SLC35D4: variants seen among roughly 807,000 people sequenced by gnomAD.
The protein encoded by SLC35D4 is solute carrier family 35 member D4.
At chr18:23,278,169 A>C in the SLC35D4 span, among the ~76,000 whole-genome samples, 1 of 152,172 alleles carries the variant, frequency 6.6e-6, no homozygotes, top group East Asian at 1.9e-4. Context: ...TCCACTGATC[A>C]AAACCACTGG....
chr18:23,303,538 T>A, the SLC35D4 span, among the ~76,000 whole-genome samples: 72 of 152,360 alleles, frequency 4.7e-4, no homozygotes, highest in African/African-American at 1.6e-3. Context: ...TGGGTTTCTT[T>A]GGCTCATTTT....
the SLC35D4 span, among the ~76,000 whole-genome samples, chr18:23,363,226 C>G: frequency 2.2e-5 from 3 of 137,168 alleles, no homozygotes; most frequent in South Asian, 2.5e-4. Flanking sequence ...CCTGGCCAGC[C>G]TGGGCAACAG....
At chr18:23,288,426 C>G in the SLC35D4 span, among the ~76,000 whole-genome samples, 1 of 152,168 alleles carries the variant, frequency 6.6e-6, no homozygotes, top group Admixed American at 6.5e-5. Context: ...ATTCAGGCCC[C>G]GTCCCTTCCC....
the SLC35D4 span, among the ~76,000 whole-genome samples, chr18:23,332,254 T>C: frequency 6.6e-6 from 1 of 152,226 alleles, no homozygotes; most frequent in South Asian, 2.1e-4. Context: ...GCACACACCA[T>C]AAAATTCACC....
the SLC35D4 span, among the ~76,000 whole-genome samples, chr18:23,419,785 G>C: frequency 6.6e-6 from 1 of 151,936 alleles, no homozygotes; most frequent in Non-Finnish European, 1.5e-5. Flanking sequence ...TCCAGATTTT[G>C]ATAATTTTAC....
the SLC35D4 span, among the ~76,000 whole-genome samples, chr18:23,245,437 G>A: frequency 6.6e-6 from 1 of 151,808 alleles, no homozygotes; most frequent in Non-Finnish European, 1.5e-5. Context: ...CTTGAACCCG[G>A]GAGGCGGAAG....
At chr18:23,275,039 TGTGTGTGA>T in the SLC35D4 span, among the ~76,000 whole-genome samples, 2 of 26,008 alleles carry the variant, frequency 7.7e-5, no homozygotes, top group Non-Finnish European at 1.3e-4. Flanking sequence ...GCTTGTATTT[TGTGTGTGA>T]GTGTGTTTGT....
At chr18:23,368,905 A>T in the SLC35D4 span, among the ~76,000 whole-genome samples, 1 of 152,206 alleles carries the variant, frequency 6.6e-6, no homozygotes, top group Non-Finnish European at 1.5e-5. Flanking sequence ...ATTCAAAACC[A>T]GTTACTAGTT....
chr18:23,398,535 G>A, the SLC35D4 span, among the ~76,000 whole-genome samples: 9 of 152,154 alleles, frequency 5.9e-5, no homozygotes, highest in African/African-American at 1.9e-4. Context: ...GCAGCAACAT[G>A]CACCGTGGGT....
the SLC35D4 span, among the ~76,000 whole-genome samples, chr18:23,363,468 G>A: frequency 4.5e-5 from 6 of 134,792 alleles, no homozygotes; most frequent in South Asian, 5.0e-4. Context: ...TCCGCCTCCC[G>A]GGTTCACGCC....
the SLC35D4 span, chr18:23,297,914 T>G: frequency 6.9e-7 from 1 of 1,459,820 alleles, no homozygotes; most frequent in Middle Eastern, 1.7e-4. Flanking sequence ...TTCTGACACA[T>G]CCAACAGGGA....
At chr18:23,342,167 C>T in the SLC35D4 span, among the ~76,000 whole-genome samples, 1 of 152,182 alleles carries the variant, frequency 6.6e-6, no homozygotes, top group Non-Finnish European at 1.5e-5. Flanking sequence ...ATGCAACCAT[C>T]ACCACAATCC....
At chr18:23,364,305 GGTTT>G in the SLC35D4 span, among the ~76,000 whole-genome samples, 91 of 152,088 alleles carry the variant, frequency 6.0e-4, no homozygotes, top group African/African-American at 2.0e-3. Context: ...TTCATTTTGT[GGTTT>G]GTTTGTTTTT....
the SLC35D4 span, among the ~76,000 whole-genome samples, chr18:23,372,933 A>T: frequency 2.0e-5 from 3 of 151,660 alleles, no homozygotes. Context: ...AAGGAAACCC[A>T]GAAATGAGAT....
the SLC35D4 span, among the ~76,000 whole-genome samples, chr18:23,317,309 C>T: frequency 3.3e-5 from 5 of 152,180 alleles, no homozygotes; most frequent in Non-Finnish European, 7.4e-5. Flanking sequence ...CTGATTATTG[C>T]TATGTTCCTA....
At chr18:23,366,221 G>T in the SLC35D4 span, among the ~76,000 whole-genome samples, 1 of 152,168 alleles carries the variant, frequency 6.6e-6, no homozygotes, top group Non-Finnish European at 1.5e-5. Context: ...ATGAAAAGGA[G>T]TGTTCCTCTG....
the SLC35D4 span, among the ~76,000 whole-genome samples, chr18:23,338,318 A>G: frequency 6.6e-6 from 1 of 152,228 alleles, no homozygotes; most frequent in Admixed American, 6.5e-5. Flanking sequence ...AACTAAATTC[A>G]CTACCTAGAA....
the SLC35D4 span, among the ~76,000 whole-genome samples, chr18:23,288,030 T>C: frequency 2.0e-5 from 3 of 152,224 alleles, no homozygotes; most frequent in Non-Finnish European, 4.4e-5. Flanking sequence ...AAGCATATAC[T>C]TTCTGCTCCC....
At chr18:23,309,854 G>C in the SLC35D4 span, 2 of 1,046,726 alleles carry the variant, frequency 1.9e-6, no homozygotes, top group Non-Finnish European at 2.9e-6. Flanking sequence ...CCTGCCATCA[G>C]GCACTTCGTT....
Sources: gnomAD v4.1 joint callset for allele counts (sites outside exome capture counted in the v4.1 genomes callset) on GRCh38, gnomAD v4.1.1 for gene constraint, MANE v1.5 for transcripts, NCBI Gene and HGNC (gene_info 2026-07-23, HGNC 2026-07-21) for gene names.